PSMA1: variants seen among roughly 807,000 people sequenced by gnomAD.
PSMA1 encodes the protein proteasome 20S subunit alpha 1.
PSMA1 carries 3 observed loss-of-function variants against 38.4 expected under a neutral mutation model. The observed-to-expected ratio is 0.08, with a 90% CI of 0.04 to 0.20. The LOEUF (loss-of-function observed/expected upper bound fraction) is 0.20, where lower values mean the gene tolerates loss of function less well. Among genes scored for constraint, PSMA1 ranks in the 10% least tolerant of loss-of-function variants. The pLI, the probability that PSMA1 is intolerant of heterozygous loss-of-function variation, is 1.00. For missense variants in PSMA1, 227 were observed against 325.3 expected (o/e 0.70, Z 2.32); for synonymous variants, 101 against 107.1 (o/e 0.94, Z 0.35).
chr11:14,536,758 C>A (rs1420325708), intron 2 of PSMA1, among the ~76,000 whole-genome samples: 1 of 151,908 alleles, frequency 6.6e-6, no homozygotes, highest in Non-Finnish European at 1.5e-5. Flanking sequence ...ACTACAGGCG[C>A]CCGCCACCAC....
At chr11:14,618,311 T>C (rs978648533) in intron 1 of PSMA1, among the ~76,000 whole-genome samples, 1 of 152,262 alleles carries the variant, frequency 6.6e-6, no homozygotes, top group Non-Finnish European at 1.5e-5. Flanking sequence ...TTTGTGAACT[T>C]TGGCTACCAC....
intron 2 of PSMA1, among the ~76,000 whole-genome samples, chr11:14,530,537 G>A (rs1369332257): frequency 3.9e-5 from 6 of 152,106 alleles, no homozygotes; most frequent in African/African-American, 7.2e-5. Flanking sequence ...GCCGCTGGAG[G>A]ATAATGTTTC....
intron 1 of PSMA1, among the ~76,000 whole-genome samples, chr11:14,634,191 C>T (rs1214026582): frequency 6.6e-6 from 1 of 152,056 alleles, no homozygotes; most frequent in African/African-American, 2.4e-5. Context: ...CCAAAATCAT[C>T]CCCCCCGGTC....
chr11:14,567,369 C>G (rs936828801), intron 2 of PSMA1, among the ~76,000 whole-genome samples: 1 of 152,182 alleles, frequency 6.6e-6, no homozygotes, highest in Non-Finnish European at 1.5e-5. Flanking sequence ...ATCTACTTAT[C>G]TCTCAGATTT....
intron 2 of PSMA1, among the ~76,000 whole-genome samples, chr11:14,531,607 G>A (rs1400939269): frequency 6.6e-6 from 1 of 151,996 alleles, no homozygotes; most frequent in East Asian, 1.9e-4. Flanking sequence ...TCACAGTTCT[G>A]TGCCACCACA....
intron 2 of PSMA1, among the ~76,000 whole-genome samples, chr11:14,596,247 G>A (rs758908017): frequency 3.4e-4 from 51 of 152,128 alleles, no homozygotes; most frequent in Admixed American, 2.0e-3. Flanking sequence ...GGTTCCATAT[G>A]AACTTTAAAG....
At chr11:14,508,561 C>CAAAAAAAAAAA (rs60499933) in intron 8 of PSMA1, among the ~76,000 whole-genome samples, 13,666 of 46,776 alleles carry the variant, frequency 0.29, 3,682 homozygotes, top group African/African-American at 0.43. Context: ...CACTCCATCT[C>CAAAAAAAAAAA]AAAAAAAAAA....
intron 1 of PSMA1, among the ~76,000 whole-genome samples, chr11:14,637,638 C>T (rs1307259177): frequency 1.3e-5 from 2 of 151,712 alleles, no homozygotes; most frequent in African/African-American, 4.8e-5. Flanking sequence ...GGCCCTAAAT[C>T]AACATCTTTT....
chr11:14,537,045 A>T (rs1851717253), intron 2 of PSMA1, among the ~76,000 whole-genome samples: 1 of 152,192 alleles, frequency 6.6e-6, no homozygotes, highest in Non-Finnish European at 1.5e-5. Context: ...TAGGCCAAAT[A>T]TTTTCATTTG....
intron 1 of PSMA1, among the ~76,000 whole-genome samples, chr11:14,617,322 ATTTCTT>A (rs1852786642): frequency 6.6e-6 from 1 of 152,036 alleles, no homozygotes; most frequent in Non-Finnish European, 1.5e-5. Flanking sequence ...ATTACTGTTA[ATTTCTT>A]TTTTTAGTTC....
chr11:14,553,475 G>C (rs1851909482), intron 2 of PSMA1, among the ~76,000 whole-genome samples: 1 of 152,050 alleles, frequency 6.6e-6, no homozygotes, highest in East Asian at 1.9e-4. Context: ...GGTCACACCT[G>C]TACTGCCCCC....
At chr11:14,630,747 T>C (rs897709609) in intron 1 of PSMA1, among the ~76,000 whole-genome samples, 103 of 152,122 alleles carry the variant, frequency 6.8e-4, no homozygotes, top group South Asian at 5.8e-3. Flanking sequence ...ATGGTACCAG[T>C]TCCTCCTTGT....
chr11:14,520,580 G>T (rs1019597379), upstream of PSMA1: 29 of 980,298 alleles, frequency 3.0e-5, no homozygotes, highest in Non-Finnish European at 3.7e-5. Flanking sequence ...CTGCGGGGCA[G>T]CCCCTGTCAC....
chr11:14,507,065 C>T (rs753204573), intron 9 of PSMA1, among the ~76,000 whole-genome samples: 3 of 152,132 alleles, frequency 2.0e-5, no homozygotes, highest in African/African-American at 2.4e-5. Context: ...CCCAGTCAGC[C>T]GCAAAATTGT....
intron 2 of PSMA1, among the ~76,000 whole-genome samples, chr11:14,585,599 T>A (rs1421585543): frequency 6.6e-6 from 1 of 152,238 alleles, no homozygotes; most frequent in East Asian, 1.9e-4. Flanking sequence ...CACATGCAGT[T>A]GATCCACCCA....
intron 2 of PSMA1, among the ~76,000 whole-genome samples, chr11:14,550,767 AT>A (rs897292513): frequency 6.6e-6 from 1 of 152,008 alleles, no homozygotes; most frequent in African/African-American, 2.4e-5. Flanking sequence ...CTTATAATTT[AT>A]TATTATTAAT....
intron 2 of PSMA1, among the ~76,000 whole-genome samples, chr11:14,582,277 G>A (rs1039826780): frequency 2.6e-5 from 4 of 151,966 alleles, no homozygotes; most frequent in East Asian, 1.9e-4. Context: ...TTCTTAGATC[G>A]ATTTAGACAA....
intron 2 of PSMA1, among the ~76,000 whole-genome samples, chr11:14,609,242 C>A (rs1225198018): frequency 6.6e-6 from 1 of 152,160 alleles, no homozygotes; most frequent in Non-Finnish European, 1.5e-5. Context: ...CTTGGTGAGT[C>A]CAAAGACCAT....
At chr11:14,591,451 G>A (rs573174371) in intron 2 of PSMA1, among the ~76,000 whole-genome samples, 10 of 152,314 alleles carry the variant, frequency 6.6e-5, no homozygotes, top group East Asian at 1.9e-4. Context: ...GAGTGTGGGC[G>A]CACGGCACTG....
Sources: gnomAD v4.1 joint callset for allele counts (sites outside exome capture counted in the v4.1 genomes callset) on GRCh38, gnomAD v4.1.1 for gene constraint, MANE v1.5 for transcripts, NCBI Gene and HGNC (gene_info 2026-07-23, HGNC 2026-07-21) for gene names.